The following HDAC9 variants were observed in gnomAD, a reference collection of about 807,000 sequenced individuals.
The protein encoded by HDAC9 is MEF-2 interacting transcription repressor (MITR) protein.
A neutral mutation model predicts 139.4 loss-of-function variants in HDAC9; 41 were observed. The observed-to-expected ratio is 0.29, with a 90% CI of 0.23 to 0.38. The LOEUF is 0.38. Among genes scored for constraint, HDAC9 ranks in the 10% least tolerant of loss-of-function variants. The probability of loss-of-function intolerance (pLI) is 1.00; values close to 1 mark genes in which losing one functional copy is unlikely to be tolerated. For missense variants in HDAC9, 1,147 were observed against 1,297.0 expected (o/e 0.88, Z 1.78); for synonymous variants, 517 against 476.2 (o/e 1.09, Z -1.12).
At chr7:18,382,653 G>A (rs144475612) in intron 1 of HDAC9, among the ~76,000 whole-genome samples, 9 of 152,294 alleles carry the variant, frequency 5.9e-5, no homozygotes, top group East Asian at 1.9e-4. Flanking sequence ...TTTCAGATAC[G>A]ATGTCATTGT....
chr7:18,114,298 A>C (rs990639592), intron 1 of HDAC9, among the ~76,000 whole-genome samples: 7 of 152,216 alleles, frequency 4.6e-5, no homozygotes, highest in African/African-American at 1.7e-4. Flanking sequence ...CTTAGACCTC[A>C]TTGGCCACCC....
In HDAC9 at chr7:18,302,488, A is replaced by T. The variant is rs974868004; in HGVS notation, c.-42+11973A>T. On this transcript the variant is annotated intron_variant, in intron 1 of 3. Transcript: ENST00000413509. ...ATCTGGATTTTTACATAAGCATATTATTAGCTACCTCAGTGATATTTGCAA... is the reference window on the plus strand; with the variant it reads ...ATCTGGATTTTTACATAAGCATATTTTTAGCTACCTCAGTGATATTTGCAA... Among the ~76,000 whole-genome samples the T allele has an allele frequency of 5.3e-5, 8 of 152,228 alleles. 1 individual carries two copies. Among genetic ancestry groups the T allele is most frequent in the Middle Eastern group, 6.3e-3 (2 of 316 alleles).
At chr7:18,859,974 T>G (rs2129232607) in intron 21 of HDAC9, among the ~76,000 whole-genome samples, 1 of 151,050 alleles carries the variant, frequency 6.6e-6, no homozygotes, top group East Asian at 2.0e-4. Context: ...CAATCACTTG[T>G]GCAAAGACTA....
chr7:18,291,980 C>T (rs569378302), intron 1 of HDAC9, among the ~76,000 whole-genome samples: 1 of 152,256 alleles, frequency 6.6e-6, no homozygotes, highest in Non-Finnish European at 1.5e-5. Flanking sequence ...AGCTCTTATG[C>T]ATCCATCTCT....
At chr7:18,325,984 T>C (rs1180687320) in intron 1 of HDAC9, among the ~76,000 whole-genome samples, 1 of 152,102 alleles carries the variant, frequency 6.6e-6, no homozygotes, top group African/African-American at 2.4e-5. Context: ...TTTCTTAGAA[T>C]GTATCTCTGT....
intron 1 of HDAC9, among the ~76,000 whole-genome samples, chr7:18,449,319 A>C (rs1370224808): frequency 6.6e-6 from 1 of 152,182 alleles, no homozygotes; most frequent in Non-Finnish European, 1.5e-5. Context: ...TACATACAAT[A>C]ATATTGGTTT....
chr7:18,388,929 G>T (rs1471402103), intron 1 of HDAC9, among the ~76,000 whole-genome samples: 1 of 152,024 alleles, frequency 6.6e-6, no homozygotes, highest in African/African-American at 2.4e-5. Flanking sequence ...TTCATTTCTA[G>T]TTAATTTTTG....
At chr7:18,726,346 G>A (rs954272139) in intron 12 of HDAC9, among the ~76,000 whole-genome samples, 3 of 152,144 alleles carry the variant, frequency 2.0e-5, no homozygotes, top group African/African-American at 7.2e-5. Context: ...TAGGTAGAAG[G>A]GGAGCACCTA....
chr7:18,757,893 G>A lies in HDAC9; in HGVS notation c.2044-4264G>A, dbSNP rs542450916. ...TTAAGAAAGAACCATGGTGTGTTGTGAGACTCAATGATATGGTCATTTTAA... is the reference window on the plus strand; with the variant it reads ...TTAAGAAAGAACCATGGTGTGTTGTAAGACTCAATGATATGGTCATTTTAA... On this transcript the variant is annotated intron_variant, in intron 14 of 25. Transcript: ENST00000686413. 2.6e-5 allele frequency among the ~76,000 whole-genome samples: 4 copies of A among 152,222 alleles called. No individual in the cohort carries two copies. The South Asian group carries it at 8.3e-4, about 32-fold the overall frequency.
At chr7:18,974,194 C>G (rs1784419636) in intron 24 of HDAC9, among the ~76,000 whole-genome samples, 1 of 152,146 alleles carries the variant, frequency 6.6e-6, no homozygotes, top group Non-Finnish European at 1.5e-5. Flanking sequence ...TGCTGAAGAT[C>G]AAGAAAAGAT....
At chr7:18,138,751 C>T (rs1336313531) in intron 1 of HDAC9, among the ~76,000 whole-genome samples, 1 of 152,010 alleles carries the variant, frequency 6.6e-6, no homozygotes, top group East Asian at 1.9e-4. Flanking sequence ...CCAGGGACAT[C>T]GCTCACATCA....
chr7:18,835,862 T>G lies in HDAC9; in HGVS notation c.2587-38T>G, dbSNP rs754208722. On this transcript the variant is annotated intron_variant, in intron 20 of 25. Coordinates refer to ENST00000686413, the MANE Select transcript of HDAC9 (RefSeq NM_178425.4). The stretch of plus-strand genomic sequence containing the variant: ...TCTTCTTGCTTTCTTCCATTTGCTC[T>G]CTTCTCTGCCCACCGTGGTGTGTCT... The G allele has an allele frequency of 4.4e-5, 60 of 1,376,338 alleles. 2 individuals carry two copies. In the South Asian group the frequency reaches 7.6e-4, roughly 17 times the overall value. 85.3% of individuals were successfully genotyped at this position (1,376,338 alleles called of 1,614,324 possible).
At chr7:18,924,681 C>T (rs1229733585) in intron 22 of HDAC9, among the ~76,000 whole-genome samples, 3 of 151,976 alleles carry the variant, frequency 2.0e-5, no homozygotes, top group African/African-American at 7.2e-5. Context: ...GAATGATCAT[C>T]TGTTTGTGAA....
chr7:18,463,807 C>T (rs1794048444), intron 1 of HDAC9, among the ~76,000 whole-genome samples: 1 of 151,648 alleles, frequency 6.6e-6, no homozygotes. Flanking sequence ...TTTTTGTTTT[C>T]CATTTGATTC....
chr7:18,162,175 A>G, intron 1 of HDAC9: 1 of 661,672 alleles, frequency 1.5e-6, no homozygotes, highest in Non-Finnish European at 2.6e-6. Context: ...TTTCTTTTTC[A>G]GTGTGACTTG....
intron 2 of HDAC9, among the ~76,000 whole-genome samples, chr7:18,163,411 G>C (rs990202378): frequency 6.6e-6 from 1 of 152,156 alleles, no homozygotes. Context: ...ATTGCCTAGT[G>C]GTTCTCAAAC....
chr7:18,146,049 A>AT (rs1562672941), intron 1 of HDAC9, among the ~76,000 whole-genome samples: 12 of 152,290 alleles, frequency 7.9e-5, no homozygotes, highest in African/African-American at 2.9e-4. Context: ...ATTGGTTGGG[A>AT]AAAAAAGGAA....
At chr7:18,741,484 CA>C (rs1278289978) in intron 13 of HDAC9, among the ~76,000 whole-genome samples, 1 of 152,028 alleles carries the variant, frequency 6.6e-6, no homozygotes. Context: ...ACTTACTGCT[CA>C]GGGGGGAAAA....
intron 25 of HDAC9, among the ~76,000 whole-genome samples, chr7:18,993,644 T>G (rs1028799884): frequency 6.6e-6 from 1 of 151,662 alleles, no homozygotes; most frequent in Admixed American, 6.6e-5. Context: ...TATAATTATT[T>G]TTTTTTTAAT....
Sources: allele counts gnomAD v4.1 joint callset (sites outside exome capture counted in the v4.1 genomes callset), GRCh38; gene constraint gnomAD v4.1.1; transcripts MANE v1.5; gene names NCBI Gene and HGNC (gene_info 2026-07-23, HGNC 2026-07-21).